CPT1A: variants seen among roughly 807,000 people sequenced by gnomAD.
CPT1A encodes the protein carnitine palmitoyltransferase 1A.
In CPT1A, 64 loss-of-function variants were observed where a neutral mutation model predicts 100.8. The observed-to-expected ratio is 0.63, with a 90% CI of 0.52 to 0.78. The LOEUF (loss-of-function observed/expected upper bound fraction) is 0.78. Among genes scored for constraint, CPT1A ranks in the 30% least tolerant of loss-of-function variants. The pLI is 0.00. For synonymous variants in CPT1A, 363 were observed against 396.0 expected, an observed-to-expected ratio of 0.92 and a Z score of 0.99; for missense variants, 802 against 1,034.1, an observed-to-expected ratio of 0.78 and a Z score of 3.08.
intron 1 of CPT1A, among the ~76,000 whole-genome samples, chr11:68,816,373 T>C (rs968555072): frequency 1.3e-5 from 2 of 152,152 alleles, no homozygotes; most frequent in East Asian, 3.9e-4. Flanking sequence ...CCTTCTTCCT[T>C]GGAGGCAGCG....
chr11:68,757,556 A>G lies in CPT1A; in HGVS notation c.*88T>C, dbSNP rs2153994494. On this transcript the variant is annotated 3_prime_UTR_variant, in exon 19 of 19. Transcript: ENST00000265641. ...TGAGTTTTTTTAAGAGCAGTGTTTCATCCCGAGCTAAGGTCAGGATTAATG... is the reference window on the plus strand; with the variant it reads ...TGAGTTTTTTTAAGAGCAGTGTTTCGTCCCGAGCTAAGGTCAGGATTAATG... The G allele has an allele frequency of 6.2e-7, 1 of 1,603,704 alleles. No homozygotes were observed. Among genetic ancestry groups the G allele is most frequent in the South Asian group, 1.1e-5 (1 of 89,872 alleles).
chr11:68,807,617 C>T lies in CPT1A; in HGVS notation c.303G>A (p.Thr101=), dbSNP rs553777167. Residue 101 remains threonine (T), a synonymous_variant, in exon 4 of 19, where the codon ACG becomes ACA. Coordinates refer to ENST00000265641, the MANE Select transcript of CPT1A (RefSeq NM_001876.4). ...LETANCMSSQ[T]KNVVSGVLFG... ...ACAGCACGCCGCTGACCACGTTCTTCGTCTGGCTGGACATGCAGTTGCTGT... is the reference window on the plus strand; with the variant it reads ...ACAGCACGCCGCTGACCACGTTCTTTGTCTGGCTGGACATGCAGTTGCTGT... 28 of 1,614,102 alleles carry T rather than the reference C, an allele frequency of 1.7e-5. No homozygotes were observed. In the East Asian group the frequency reaches 2.9e-4, roughly 17 times the overall value.
intron 14 of CPT1A, among the ~76,000 whole-genome samples, chr11:68,766,061 G>A (rs539228061): frequency 1.1e-4 from 16 of 152,024 alleles, no homozygotes; most frequent in Admixed American, 9.8e-4. Flanking sequence ...TAGTAGAGAC[G>A]CGTTTCCCCA....
At chr11:68,801,773 A>C (rs982256202) in intron 5 of CPT1A, among the ~76,000 whole-genome samples, 1 of 152,140 alleles carries the variant, frequency 6.6e-6, no homozygotes, top group Non-Finnish European at 1.5e-5. Context: ...ATGTGGAAAA[A>C]CTAAAGCACC....
rs2153999602 is a variant in CPT1A, at chr11:68,793,358, C to T, written c.924G>A (p.Trp308Ter). ...TCCGGGAAGTATTAAACATCCGCTC[C>T]CACTGAGCGGAGCAGAGTGGAATCG... ...GSTIPLCSAQWERMFNTSRIP... is the reference protein window; with the variant it reads ...GSTIPLCSAQ The change falls in exon 9 of 19, where the codon TGG becomes TGA. Residue 308 changes from tryptophan (W) to a stop codon, truncating the protein, a stop_gained. Transcript: ENST00000265641. LOFTEE classifies it high-confidence loss of function. 1.9e-6 allele frequency: 3 copies of T among 1,612,246 alleles called. No homozygotes were observed. Among genetic ancestry groups the T allele is most frequent in the Non-Finnish European group, 2.5e-6 (3 of 1,179,298 alleles).
intron 9 of CPT1A, among the ~76,000 whole-genome samples, chr11:68,791,890 C>T (rs890534305): frequency 6.6e-6 from 1 of 152,112 alleles, no homozygotes; most frequent in African/African-American, 2.4e-5. Context: ...AGGGGAGAAT[C>T]TGCTTAGGAA....
At chr11:68,839,398 G>T (rs1017799619) in intron 1 of CPT1A, among the ~76,000 whole-genome samples, 3 of 152,170 alleles carry the variant, frequency 2.0e-5, no homozygotes, top group Non-Finnish European at 4.4e-5. Context: ...GCTGAGAAAA[G>T]TAGGGGAAAG....
chr11:68,760,257 C>T lies in CPT1A; in HGVS notation c.2110G>A (p.Glu704Lys). Reference sequence around the variant, plus strand: ...AAGCCCCCTCCGCTGGACACGTACTCTGGGTTATTCTCCAAGTCAAACAGC... The same window carrying T: ...AAGCCCCCTCCGCTGGACACGTACTTTGGGTTATTCTCCAAGTCAAACAGC... ...VELFDLENNP[E>K]YVSSGGGFGP... is the part of the protein sequence containing the mutation. Residue 704 changes from glutamate to lysine, a missense_variant, in exon 17 of 19, where the codon GAG becomes AAG. Coordinates refer to ENST00000265641, the MANE Select transcript of CPT1A (RefSeq NM_001876.4). The T allele has an allele frequency of 6.2e-7, 1 of 1,612,300 alleles. No homozygotes were observed. Among genetic ancestry groups the T allele is most frequent in the Non-Finnish European group, 8.5e-7 (1 of 1,179,590 alleles).
At chr11:68,805,154 G>GA (rs895897254) in intron 4 of CPT1A, among the ~76,000 whole-genome samples, 3 of 152,180 alleles carry the variant, frequency 2.0e-5, no homozygotes, top group African/African-American at 7.2e-5. Flanking sequence ...TGATTTGAGA[G>GA]AAAAAATTGG....
In CPT1A at chr11:68,799,236, G is replaced by A. The variant is rs866295650; in HGVS notation, c.675C>T (p.Ser225=). ...PRLQWYLKLK[S]WWATNYVSDW... ...GACTTACGTAATTTGTAGCCCACCA[G>A]GATTTTAACTTCAAATACCACTGTA... Residue 225 remains serine, a synonymous_variant, in exon 6 of 19, where the codon TCC becomes TCT. Coordinates refer to ENST00000265641, the MANE Select transcript of CPT1A (RefSeq NM_001876.4). The A allele has an allele frequency of 1.9e-6, 3 of 1,613,762 alleles. No homozygotes were observed. Among genetic ancestry groups the A allele is most frequent in the African/African-American group, 2.7e-5 (2 of 74,878 alleles).
chr11:68,817,978 G>A (rs1448993606), intron 1 of CPT1A, among the ~76,000 whole-genome samples: 4 of 152,062 alleles, frequency 2.6e-5, no homozygotes, highest in Non-Finnish European at 5.9e-5. Flanking sequence ...GGAGGTGGCA[G>A]GGTTTTGTGC....
intron 14 of CPT1A, among the ~76,000 whole-genome samples, chr11:68,768,851 AT>A (rs1178253976): frequency 6.6e-6 from 1 of 151,998 alleles, no homozygotes; most frequent in African/African-American, 2.4e-5. Context: ...CAGTCCTGCC[AT>A]GGGGCCCCTA....
chr11:68,801,171 G>A lies in CPT1A; in HGVS notation c.556-1816C>T, dbSNP rs181489695. On this transcript the variant is annotated intron_variant, in intron 5 of 18. Transcript: ENST00000265641. ...GAGGCTTATTCAAAGTAAAATGCCCGTGAATGAGACAGAAAATCATGCCCT... is the reference window on the plus strand; with the variant it reads ...GAGGCTTATTCAAAGTAAAATGCCCATGAATGAGACAGAAAATCATGCCCT... 6.3e-4 allele frequency among the ~76,000 whole-genome samples: 96 copies of A among 152,276 alleles called. 1 individual carries two copies. The highest frequency in any genetic ancestry group is 2.4e-3 in the Admixed American group (37 of 15,276).
At chr11:68,831,026 A>G (rs1268788320) in intron 1 of CPT1A, among the ~76,000 whole-genome samples, 1 of 152,162 alleles carries the variant, frequency 6.6e-6, no homozygotes, top group Non-Finnish European at 1.5e-5. Flanking sequence ...CACATCTTCA[A>G]TTTTGCTTAC....
Position 68,838,572 on chromosome 11 carries a change from TA to T in CPT1A, c.-14+3202del, listed in dbSNP as rs1210532617. ...ACTCTACTCTGTATCTGCACCTTTT[TA>T]AAAAAAAAAAAAAAAAAACAGAGAC... On this transcript the variant is annotated intron_variant, in intron 1 of 18. Coordinates refer to ENST00000265641, the MANE Select transcript of CPT1A (RefSeq NM_001876.4). Among the ~76,000 whole-genome samples, 10 of 95,522 alleles carry T rather than the reference TA, an allele frequency of 1.0e-4. 1 individual carries two copies. The East Asian group carries it at 1.5e-3, about 14-fold the overall frequency. The allele number at this position is 95,522 out of a possible 152,430, so 62.7% of individuals were successfully genotyped here.
intron 3 of CPT1A, 136 bp from the exon 4 acceptor site, chr11:68,807,774 G>T: frequency 1.2e-6 from 1 of 803,490 alleles, no homozygotes; most frequent in Non-Finnish European, 2.1e-6. Flanking sequence ...AAGTCAGAGG[G>T]AGAGCACTTG....
Position 68,794,846 on chromosome 11 carries a change from G to T in CPT1A, c.837C>A (p.Ile279=). 6.2e-7 allele frequency: 1 copy of T among 1,614,236 alleles called. No homozygotes were observed. The highest frequency in any genetic ancestry group is 8.5e-7 in the Non-Finnish European group (1 of 1,180,052). ...AARAGNAIHA[I]LLYRRKLDRE... is the part of the protein sequence containing the mutation. The stretch of plus-strand genomic sequence containing the variant: ...GGTCCAGTTTGCGCCTGTAAAGCAG[G>T]ATGGCATGGATGGCGTTGCCGGCTC... Residue 279 remains isoleucine (I), a synonymous_variant, in exon 8 of 19, where the codon ATC becomes ATA. Transcript: ENST00000265641.
intron 1 of CPT1A, among the ~76,000 whole-genome samples, chr11:68,823,359 C>A (rs1228484254): frequency 1.6e-4 from 25 of 152,160 alleles, no homozygotes; most frequent in Admixed American, 3.9e-4. Context: ...GAAGTGTTAT[C>A]TATTTAATGT....
At chr11:68,767,407 G>A (rs1854839491) in intron 14 of CPT1A, among the ~76,000 whole-genome samples, 1 of 152,124 alleles carries the variant, frequency 6.6e-6, no homozygotes, top group African/African-American at 2.4e-5. Context: ...TGGGAAACAA[G>A]GTGAAACCCC....
Sources: gnomAD v4.1 joint callset for allele counts (sites outside exome capture counted in the v4.1 genomes callset) on GRCh38, gnomAD v4.1.1 for gene constraint, MANE v1.5 for transcripts, NCBI Gene and HGNC (gene_info 2026-07-23, HGNC 2026-07-21) for gene names.